LINGO2: variants seen among roughly 807,000 people sequenced by gnomAD.
LINGO2 encodes the protein leucine rich repeat and Ig domain containing 2, also known as leucine-rich repeat and immunoglobulin-like domain-containing nogo receptor-interacting protein 2.
Under a neutral mutation model 30.6 loss-of-function variants are expected in LINGO2, and 14 were observed. That is an observed-to-expected ratio of 0.46 (90% CI 0.30 to 0.72). LINGO2 has a LOEUF of 0.72. Among genes scored for constraint, LINGO2 ranks in the 30% least tolerant of loss-of-function variants. The probability of loss-of-function intolerance (pLI) is 0.07; values close to 1 mark genes in which losing one functional copy is unlikely to be tolerated. For missense variants in LINGO2, 729 were observed against 751.7 expected, an observed-to-expected ratio of 0.97 and a Z score of 0.35; for synonymous variants, 317 against 288.5, an observed-to-expected ratio of 1.10 and a Z score of -1.00.
chr9:28,559,482 T>C (rs1202725018), intron 1 of LINGO2, among the ~76,000 whole-genome samples: 1 of 152,134 alleles, frequency 6.6e-6, no homozygotes, highest in African/African-American at 2.4e-5. Context: ...CCTGTAAGTC[T>C]TACAGCTTGT....
chr9:29,076,007 CCT>C, the LINGO2 span, among the ~76,000 whole-genome samples: 1 of 151,948 alleles, frequency 6.6e-6, no homozygotes, highest in Non-Finnish European at 1.5e-5. Context: ...CCCACCACAG[CCT>C]CTCTGTGCAC....
chr9:28,632,856 T>TTATATA (rs543651831), intron 1 of LINGO2, among the ~76,000 whole-genome samples: 31 of 93,652 alleles, frequency 3.3e-4, no homozygotes, highest in East Asian at 6.0e-4. Flanking sequence ...TATATATTTT[T>TTATATA]TATATATATA....
the LINGO2 span, among the ~76,000 whole-genome samples, chr9:28,829,109 C>T: frequency 6.6e-6 from 1 of 152,186 alleles, no homozygotes; most frequent in East Asian, 1.9e-4. Context: ...AGCTGTTGAA[C>T]GTTGGGAGGA....
At chr9:28,531,971 G>T (rs774982027) in intron 1 of LINGO2, among the ~76,000 whole-genome samples, 1 of 152,112 alleles carries the variant, frequency 6.6e-6, no homozygotes, top group Non-Finnish European at 1.5e-5. Context: ...ATATCTAAAA[G>T]CATAAAATGG....
chr9:29,118,272 T>G, the LINGO2 span, among the ~76,000 whole-genome samples: 1 of 152,138 alleles, frequency 6.6e-6, no homozygotes, highest in Non-Finnish European at 1.5e-5. Context: ...GGCTGTCAGA[T>G]CCCAACTAGA....
At chr9:28,031,213 T>C (rs564949482) in intron 4 of LINGO2, among the ~76,000 whole-genome samples, 2 of 152,260 alleles carry the variant, frequency 1.3e-5, no homozygotes, top group South Asian at 2.1e-4. Context: ...ATTTCTCTGA[T>C]ATATTAAAAA....
intron 4 of LINGO2, among the ~76,000 whole-genome samples, chr9:28,293,698 T>G (rs762033291): frequency 6.6e-6 from 1 of 152,206 alleles, no homozygotes; most frequent in Non-Finnish European, 1.5e-5. Flanking sequence ...AAAAAAAATT[T>G]TTTTTTAAGT....
At chr9:28,851,735 T>C in the LINGO2 span, among the ~76,000 whole-genome samples, 1 of 151,978 alleles carries the variant, frequency 6.6e-6, no homozygotes, top group Admixed American at 6.6e-5. Flanking sequence ...AGATAGGTTA[T>C]TATAACCCTC....
At chr9:29,080,036 C>G in the LINGO2 span, among the ~76,000 whole-genome samples, 3 of 151,844 alleles carry the variant, frequency 2.0e-5, no homozygotes, top group African/African-American at 7.2e-5. Context: ...CAAAGTCACA[C>G]AGATTTAAAT....
At chr9:28,038,062 T>TACCA (rs1263605658) in intron 4 of LINGO2, among the ~76,000 whole-genome samples, 1 of 152,250 alleles carries the variant, frequency 6.6e-6, no homozygotes, top group Non-Finnish European at 1.5e-5. Context: ...TCAACCACCA[T>TACCA]ACCACTTTTT....
chr9:27,953,896 G>C (rs1026479212), intron 5 of LINGO2, among the ~76,000 whole-genome samples: 1 of 152,106 alleles, frequency 6.6e-6, no homozygotes, highest in Non-Finnish European at 1.5e-5. Flanking sequence ...ATACATACAT[G>C]TATGAAAGGA....
chr9:28,885,137 C>T, the LINGO2 span, among the ~76,000 whole-genome samples: 2 of 145,996 alleles, frequency 1.4e-5, no homozygotes, highest in African/African-American at 2.5e-5. Flanking sequence ...TGAGCACTCC[C>T]GGGCACTCAA....
At chr9:28,904,397 T>A in the LINGO2 span, among the ~76,000 whole-genome samples, 1 of 151,974 alleles carries the variant, frequency 6.6e-6, no homozygotes, top group African/African-American at 2.4e-5. Context: ...GCATTTAAAT[T>A]GGGAAGGAAA....
At chr9:28,994,413 G>C in the LINGO2 span, among the ~76,000 whole-genome samples, 2 of 151,980 alleles carry the variant, frequency 1.3e-5, no homozygotes, top group Non-Finnish European at 2.9e-5. Context: ...TGGGTAGGAA[G>C]AATCAATATC....
chr9:28,673,705 T>TC (rs60810020), upstream of LINGO2, among the ~76,000 whole-genome samples: 1,234 of 151,896 alleles, frequency 8.1e-3, 24 homozygotes, highest in African/African-American at 0.029. Flanking sequence ...ATCATCATCA[T>TC]AAATATTGTT....
chr9:28,695,088 A>G, the LINGO2 span, among the ~76,000 whole-genome samples: 1 of 151,702 alleles, frequency 6.6e-6, no homozygotes, highest in Non-Finnish European at 1.5e-5. Context: ...CACTCCTGTT[A>G]TAGTACAGAA....
the LINGO2 span, among the ~76,000 whole-genome samples, chr9:28,890,973 G>A: frequency 6.6e-6 from 1 of 151,892 alleles, no homozygotes; most frequent in Admixed American, 6.6e-5. Context: ...TTTTCTAAAG[G>A]GTAGAGTAGG....
the LINGO2 span, among the ~76,000 whole-genome samples, chr9:29,191,062 T>A: frequency 2.0e-5 from 3 of 152,004 alleles, no homozygotes; most frequent in African/African-American, 7.2e-5. Context: ...CAAGAAAAAA[T>A]CCACTAGACC....
chr9:29,021,409 A>G, the LINGO2 span, among the ~76,000 whole-genome samples: 1 of 152,218 alleles, frequency 6.6e-6, no homozygotes, highest in African/African-American at 2.4e-5. Context: ...CTGTAATCCC[A>G]GCACTTTGGG....
Sources: gnomAD v4.1 joint callset for allele counts (sites outside exome capture counted in the v4.1 genomes callset) on GRCh38, gnomAD v4.1.1 for gene constraint, MANE v1.5 for transcripts, NCBI Gene and HGNC (gene_info 2026-07-23, HGNC 2026-07-21) for gene names.